STK32C: variants seen among roughly 807,000 people sequenced by gnomAD.
STK32C encodes serine/threonine kinase 32C, also known as serine/threonine-protein kinase 32C.
STK32C carries 31 observed loss-of-function variants against 56.5 expected under a neutral mutation model. That is an observed-to-expected ratio of 0.55 (90% confidence interval 0.41 to 0.74). The LOEUF (loss-of-function observed/expected upper bound fraction) is 0.74, where lower values mean the gene tolerates loss of function less well. Among genes scored for constraint, STK32C ranks in the 30% least tolerant of loss-of-function variants. The pLI is 0.00. For missense variants in STK32C, 544 were observed against 676.9 expected (o/e 0.80, Z 2.18); for synonymous variants, 309 against 289.4 (o/e 1.07, Z -0.69).
chr10:132,209,123 T>G (rs773027049), intron 10 of STK32C, 22 bp from the exon 11 acceptor site: 1 of 1,610,102 alleles, frequency 6.2e-7, no homozygotes, highest in South Asian at 1.1e-5. Context: ...AAGGCACACG[T>G]GAGCGTGGGG....
At chr10:132,289,247 C>T (rs2065498008) in intron 1 of STK32C, among the ~76,000 whole-genome samples, 2 of 152,178 alleles carry the variant, frequency 1.3e-5, no homozygotes, top group Non-Finnish European at 2.9e-5. Context: ...CCCCATTTCA[C>T]ACTGTGCACA....
At chr10:132,230,537 C>A (rs1357473727) in intron 2 of STK32C, among the ~76,000 whole-genome samples, 1 of 152,232 alleles carries the variant, frequency 6.6e-6, no homozygotes, top group East Asian at 1.9e-4. Context: ...TCCAGAAAGG[C>A]TGTTTGTTGC....
At chr10:132,224,266 C>T (rs916399304) in intron 8 of STK32C, 141 bp downstream of exon 8, 132 of 674,450 alleles carry the variant, frequency 2.0e-4, no homozygotes, top group Middle Eastern at 1.2e-3. Context: ...TGCGGAGGCC[C>T]CCACAGGTTG....
intron 2 of STK32C, among the ~76,000 whole-genome samples, chr10:132,235,370 C>T (rs766803261): frequency 1.3e-5 from 2 of 151,410 alleles, no homozygotes; most frequent in Non-Finnish European, 2.9e-5. Flanking sequence ...GTGGCGTGTG[C>T]CTGTAATCCC....
In STK32C at chr10:132,207,767, T is replaced by C. The variant is rs1013013352; in HGVS notation, c.*243A>G. 4.8e-6 allele frequency: 2 copies of C among 414,788 alleles called. No individual in the cohort carries two copies. Among genetic ancestry groups the C allele is most frequent in the Non-Finnish European group, 8.1e-6 (2 of 248,134 alleles). 25.7% of individuals were successfully genotyped at this position (414,788 alleles called of 1,614,324 possible). Reference sequence around the variant, plus strand: ...GCGGTAAGAGGGCGCCCAGCAGCGCTTCCTCCATCTAGGCGGGTCTCGGGG... The same window carrying C: ...GCGGTAAGAGGGCGCCCAGCAGCGCCTCCTCCATCTAGGCGGGTCTCGGGG... On this transcript the variant is annotated 3_prime_UTR_variant, in exon 12 of 12. Coordinates refer to ENST00000298630, the MANE Select transcript of STK32C (RefSeq NM_173575.4).
At chr10:132,232,994 G>A (rs1188208241) in intron 2 of STK32C, among the ~76,000 whole-genome samples, 1 of 152,188 alleles carries the variant, frequency 6.6e-6, no homozygotes, top group East Asian at 1.9e-4. Context: ...CTGACCACAA[G>A]TACCTAAGGC....
chr10:132,269,005 A>T (rs1245063143), intron 1 of STK32C, among the ~76,000 whole-genome samples: 1 of 140,460 alleles, frequency 7.1e-6, no homozygotes, highest in South Asian at 2.2e-4. Context: ...ATGCAGGTTC[A>T]GCTCTATGCC....
intron 8 of STK32C, among the ~76,000 whole-genome samples, chr10:132,224,195 C>T (rs374425094): frequency 2.3e-4 from 35 of 152,240 alleles, no homozygotes; most frequent in South Asian, 1.2e-3. Flanking sequence ...TGGTAGGGCT[C>T]GCCATGAGAG....
intron 1 of STK32C, among the ~76,000 whole-genome samples, chr10:132,258,032 C>T (rs1590294090): frequency 6.6e-6 from 1 of 152,242 alleles, no homozygotes; most frequent in African/African-American, 2.4e-5. Context: ...GTCCCAAGTG[C>T]CCTCACTGTC....
Position 132,217,640 on chromosome 10 carries a change from C to A in STK32C, c.1251+5001G>T, listed in dbSNP as rs572337458. 2.6e-5 allele frequency among the ~76,000 whole-genome samples: 4 copies of A among 152,164 alleles called. No homozygotes were observed. In the South Asian group the frequency reaches 8.3e-4, roughly 32 times the overall value. The stretch of plus-strand genomic sequence containing the variant: ...CAATTCCCACATGTTGTGGGAGGAA[C>A]CTGGTGGGAGGTGATTGAATTATGG... On this transcript the variant is annotated intron_variant, in intron 10 of 11. Transcript: ENST00000298630.
At chr10:132,274,634 G>A (rs749050995) in intron 1 of STK32C, among the ~76,000 whole-genome samples, 2 of 152,186 alleles carry the variant, frequency 1.3e-5, no homozygotes, top group Non-Finnish European at 2.9e-5. Context: ...AGCCACGGAC[G>A]CCGGATCCTC....
chr10:132,300,532 A>T (rs1459060480), intron 1 of STK32C, among the ~76,000 whole-genome samples: 2 of 152,266 alleles, frequency 1.3e-5, no homozygotes, highest in African/African-American at 4.8e-5. Context: ...TAGATTTCAA[A>T]TCAATGAGGA....
intron 2 of STK32C, among the ~76,000 whole-genome samples, chr10:132,241,488 C>T (rs183714529): frequency 1.4e-3 from 219 of 152,308 alleles, no homozygotes; most frequent in African/African-American, 5.1e-3. Context: ...AAAGCAGACG[C>T]CTATTTGGGT....
At chr10:132,274,718 G>A (rs984506338) in intron 1 of STK32C, among the ~76,000 whole-genome samples, 5 of 152,168 alleles carry the variant, frequency 3.3e-5, no homozygotes, top group African/African-American at 7.2e-5. Flanking sequence ...CAAAATCCAC[G>A]GGAACCAGGC....
At chr10:132,327,992 T>C (rs989297002) in intron 1 of STK32C, among the ~76,000 whole-genome samples, 3 of 152,064 alleles carry the variant, frequency 2.0e-5, no homozygotes, top group African/African-American at 7.2e-5. Flanking sequence ...AGAGCATCGC[T>C]GAAAACCAGG....
At position 132,216,414 on chromosome 10, in the gene STK32C, G is replaced by A. The variant is rs551763594; in HGVS notation, c.1251+6227C>T. The stretch of plus-strand genomic sequence containing the variant: ...AGGAAGCGGAGGTTGCAGTGGCAAT[G>A]AGCCGCCATTGCACCACTGCACTCC... On this transcript the variant is annotated intron_variant, in intron 10 of 11. Coordinates refer to ENST00000298630, the MANE Select transcript of STK32C (RefSeq NM_173575.4). 1.1e-3 allele frequency among the ~76,000 whole-genome samples: 165 copies of A among 148,500 alleles called. 2 individuals are homozygous for A. The South Asian group carries it at 0.033, about 30-fold the overall frequency.
chr10:132,330,899 T>C (rs1018103970), intron 1 of STK32C, among the ~76,000 whole-genome samples: 3 of 151,596 alleles, frequency 2.0e-5, no homozygotes, highest in Non-Finnish European at 4.4e-5. Context: ...AATTATGTCG[T>C]TTCCTTTAAA....
rs1178416054 is a variant in STK32C, at chr10:132,225,734, C to G, written c.682+13G>C. ...ACCACCCACCTGGGCTGCCCACACCCAACCCCACACACCTCTCTCATCCAG... is the reference window on the plus strand; with the variant it reads ...ACCACCCACCTGGGCTGCCCACACCGAACCCCACACACCTCTCTCATCCAG... On this transcript the variant is annotated intron_variant, in intron 5 of 11. Coordinates refer to ENST00000298630, the MANE Select transcript of STK32C (RefSeq NM_173575.4). 6.2e-7 allele frequency: 1 copy of G among 1,614,022 alleles called. No homozygotes were observed. The highest frequency in any genetic ancestry group is 8.5e-7 in the Non-Finnish European group (1 of 1,180,028).
At chr10:132,268,067 C>T (rs1336514849) in intron 1 of STK32C, among the ~76,000 whole-genome samples, 2 of 140,066 alleles carry the variant, frequency 1.4e-5, no homozygotes, top group East Asian at 2.2e-4. Flanking sequence ...ACATGTCCCA[C>T]GTCGTGTGTG....
Sources: allele counts gnomAD v4.1 joint callset (sites outside exome capture counted in the v4.1 genomes callset), GRCh38; gene constraint gnomAD v4.1.1; transcripts MANE v1.5; gene names NCBI Gene and HGNC (gene_info 2026-07-23, HGNC 2026-07-21).